Variants in RGS6 observed in about 807,000 individuals in gnomAD.
RGS6 encodes the protein regulator of G-protein signaling 6.
In RGS6, 30 loss-of-function variants were observed where a neutral mutation model predicts 78.5. That is an observed-to-expected ratio of 0.38 (90% CI 0.29 to 0.52). RGS6 has a LOEUF of 0.52. Among genes scored for constraint, RGS6 ranks in the 20% least tolerant of loss-of-function variants. The probability of loss-of-function intolerance (pLI) is 0.85; values close to 1 mark genes in which losing one functional copy is unlikely to be tolerated. For synonymous variants in RGS6, 206 were observed against 206.0 expected, an observed-to-expected ratio of 1.00 and a Z score of 0.00; for missense variants, 495 against 609.7, an observed-to-expected ratio of 0.81 and a Z score of 1.98.
intron 13 of RGS6, among the ~76,000 whole-genome samples, chr14:72,501,111 A>C (rs1483879523): frequency 6.6e-6 from 1 of 151,948 alleles, no homozygotes; most frequent in Non-Finnish European, 1.5e-5. Flanking sequence ...TGGGCTTTGG[A>C]CTTCACTGGG....
intron 3 of RGS6, among the ~76,000 whole-genome samples, chr14:72,434,036 C>T (rs1291685953): frequency 4.6e-5 from 7 of 152,204 alleles, no homozygotes; most frequent in Admixed American, 2.0e-4. Flanking sequence ...CCAACGTGTC[C>T]GTTAACATTC....
At chr14:72,289,223 C>T (rs1291824929) in intron 2 of RGS6, among the ~76,000 whole-genome samples, 1 of 152,124 alleles carries the variant, frequency 6.6e-6, no homozygotes, top group African/African-American at 2.4e-5. Context: ...AAAGTGGTAG[C>T]TGAGGCCGTA....
the RGS6 span, among the ~76,000 whole-genome samples, chr14:72,572,071 C>T: frequency 1.9e-3 from 285 of 152,236 alleles, 1 homozygote; most frequent in South Asian, 8.3e-3. Context: ...ACATCATTAG[C>T]CACTAGGGAA....
chr14:72,510,625 G>C (rs1191147023), intron 14 of RGS6, among the ~76,000 whole-genome samples: 3 of 152,204 alleles, frequency 2.0e-5, no homozygotes, highest in Non-Finnish European at 4.4e-5. Context: ...AGGCATCTCA[G>C]AGGCTGTCTC....
chr14:72,211,198 G>T (rs561679974), intron 2 of RGS6, among the ~76,000 whole-genome samples: 1 of 152,154 alleles, frequency 6.6e-6, no homozygotes, highest in Non-Finnish European at 1.5e-5. Context: ...GAATCAGAAA[G>T]ATAAGAGGAA....
the RGS6 span, among the ~76,000 whole-genome samples, chr14:71,920,337 T>C: frequency 3.1e-3 from 474 of 152,316 alleles, 4 homozygotes; most frequent in African/African-American, 0.011. Flanking sequence ...CAATCTGCTA[T>C]AGAATAATCA....
chr14:72,575,505 G>T, the RGS6 span, among the ~76,000 whole-genome samples: 1 of 152,168 alleles, frequency 6.6e-6, no homozygotes, highest in Non-Finnish European at 1.5e-5. Context: ...AGAGTTCATA[G>T]GTTGGTAGCC....
chr14:72,626,776 T>G, the RGS6 span, among the ~76,000 whole-genome samples: 2 of 152,170 alleles, frequency 1.3e-5, no homozygotes, highest in African/African-American at 4.8e-5. Context: ...AGGGTTGTAC[T>G]AATTTGTATT....
At chr14:72,223,978 A>G (rs1355284689) in intron 2 of RGS6, among the ~76,000 whole-genome samples, 1 of 152,276 alleles carries the variant, frequency 6.6e-6, no homozygotes, top group Non-Finnish European at 1.5e-5. Context: ...AGAGACACAG[A>G]AACAAATTAG....
chr14:72,050,540 T>C (rs771980264), intron 2 of RGS6, among the ~76,000 whole-genome samples: 2 of 152,218 alleles, frequency 1.3e-5, no homozygotes, highest in Non-Finnish European at 2.9e-5. Flanking sequence ...CTCTTTAGTC[T>C]TGATACATAG....
chr14:72,622,042 C>T, the RGS6 span, among the ~76,000 whole-genome samples: 1 of 152,150 alleles, frequency 6.6e-6, no homozygotes, highest in Non-Finnish European at 1.5e-5. Flanking sequence ...AGTGAAGGTC[C>T]TAGGAGAGGA....
chr14:72,166,454 A>T (rs1368895968), intron 2 of RGS6, among the ~76,000 whole-genome samples: 1 of 152,222 alleles, frequency 6.6e-6, no homozygotes, highest in Admixed American at 6.5e-5. Context: ...TTTATATGAC[A>T]AAGAAAATAG....
At chr14:72,247,679 T>G (rs1362041399) in intron 2 of RGS6, among the ~76,000 whole-genome samples, 1 of 152,220 alleles carries the variant, frequency 6.6e-6, no homozygotes, top group South Asian at 2.1e-4. Context: ...AAAGAGTAAT[T>G]TGGTCAAGAG....
chr14:71,896,082 C>A, the RGS6 span, among the ~76,000 whole-genome samples: 2 of 151,892 alleles, frequency 1.3e-5, no homozygotes, highest in Non-Finnish European at 2.9e-5. Context: ...GATGGAGGGG[C>A]AAATAGAAGA....
chr14:72,433,243 C>T (rs1158468555), intron 3 of RGS6, among the ~76,000 whole-genome samples: 1 of 152,052 alleles, frequency 6.6e-6, no homozygotes, highest in Admixed American at 6.5e-5. Context: ...CTTCCCTCTC[C>T]TAGGCAGCTT....
chr14:72,283,991 T>C (rs911506554), intron 2 of RGS6, among the ~76,000 whole-genome samples: 2 of 152,184 alleles, frequency 1.3e-5, no homozygotes, highest in African/African-American at 2.4e-5. Flanking sequence ...TGCTATGTTT[T>C]AGCAAAGAGA....
At chr14:72,427,222 T>C (rs2094464567) in intron 3 of RGS6, among the ~76,000 whole-genome samples, 1 of 152,242 alleles carries the variant, frequency 6.6e-6, no homozygotes, top group South Asian at 2.1e-4. Flanking sequence ...ATATAACTTT[T>C]ATTTACATAA....
intron 2 of RGS6, among the ~76,000 whole-genome samples, chr14:72,293,457 C>T (rs944250534): frequency 1.3e-5 from 2 of 151,884 alleles, no homozygotes; most frequent in Non-Finnish European, 2.9e-5. Context: ...TTTGTTTTCT[C>T]TCTCCCTCTC....
the RGS6 span, among the ~76,000 whole-genome samples, chr14:71,898,351 TTTAA>T: frequency 6.6e-6 from 1 of 152,132 alleles, no homozygotes; most frequent in Non-Finnish European, 1.5e-5. Context: ...TGAAATTACT[TTTAA>T]TTGTTTGTTG....
Sources: gnomAD v4.1 joint callset for allele counts (sites outside exome capture counted in the v4.1 genomes callset) on GRCh38, gnomAD v4.1.1 for gene constraint, MANE v1.5 for transcripts, NCBI Gene and HGNC (gene_info 2026-07-23, HGNC 2026-07-21) for gene names.